The following HPSE2 variants were observed in gnomAD, a reference collection of about 807,000 sequenced individuals.
The protein encoded by HPSE2 is inactive heparanase-2.
HPSE2 carries 38 observed loss-of-function variants against 60.5 expected under a neutral mutation model. That is an observed-to-expected ratio of 0.63 (90% CI 0.48 to 0.82). The LOEUF is 0.82. Among genes scored for constraint, HPSE2 ranks in the 40% least tolerant of loss-of-function variants. The probability of loss-of-function intolerance (pLI) is 0.00; values close to 1 mark genes in which losing one functional copy is unlikely to be tolerated. For synonymous variants in HPSE2, 295 were observed against 293.2 expected (o/e 1.01, Z -0.06); for missense variants, 713 against 740.4 (o/e 0.96, Z 0.43).
intron 3 of HPSE2, among the ~76,000 whole-genome samples, chr10:98,764,499 T>TTGGATTTTTAA (rs1190096302): frequency 6.6e-6 from 1 of 152,186 alleles, no homozygotes; most frequent in Non-Finnish European, 1.5e-5. Context: ...TTTTTAAAAA[T>TTGGATTTTTAA]AAATCCAATT....
At chr10:98,581,250 T>C (rs77106285) in intron 9 of HPSE2, among the ~76,000 whole-genome samples, 1 of 152,114 alleles carries the variant, frequency 6.6e-6, no homozygotes, top group Non-Finnish European at 1.5e-5. Flanking sequence ...ATTTTCAACA[T>C]TTAAAAACAA....
chr10:99,032,330 A>G (rs1040939792), intron 3 of HPSE2, among the ~76,000 whole-genome samples: 2 of 152,152 alleles, frequency 1.3e-5, no homozygotes, highest in Non-Finnish European at 2.9e-5. Flanking sequence ...AAATCGTCAA[A>G]TAAGAAACTA....
chr10:99,080,209 T>G (rs1319589413), intron 3 of HPSE2, among the ~76,000 whole-genome samples: 2 of 152,128 alleles, frequency 1.3e-5, no homozygotes, highest in African/African-American at 4.8e-5. Context: ...AATGTCTTAT[T>G]TAAAAAAATT....
intron 9 of HPSE2, among the ~76,000 whole-genome samples, chr10:98,559,564 C>T (rs747551726): frequency 6.6e-6 from 1 of 152,188 alleles, no homozygotes; most frequent in Non-Finnish European, 1.5e-5. Context: ...TCACTCTCCC[C>T]TTATCTGCTT....
rs138427631 is a variant in HPSE2, at chr10:98,830,673, A to G, written c.611-86617T>C. The stretch of plus-strand genomic sequence containing the variant: ...TTATGAAAATTTTAGCTTTGCTTTA[A>G]CCAAGAAATTTAAAGAGTAAACAGC... On this transcript the variant is annotated intron_variant, in intron 3 of 11. Transcript: ENST00000370552. Among the ~76,000 whole-genome samples the G allele has an allele frequency of 2.7e-3, 411 of 152,356 alleles. 1 individual carries two copies. The highest frequency in any genetic ancestry group is 9.3e-3 in the African/African-American group (387 of 41,582).
At chr10:98,979,985 A>C (rs1956169736) in intron 3 of HPSE2, among the ~76,000 whole-genome samples, 1 of 152,208 alleles carries the variant, frequency 6.6e-6, no homozygotes, top group Non-Finnish European at 1.5e-5. Flanking sequence ...AGTTGAAATG[A>C]AACTAACACA....
At chr10:99,101,331 T>C (rs11528139) in intron 3 of HPSE2, among the ~76,000 whole-genome samples, 12,820 of 151,920 alleles carry the variant, frequency 0.084, 650 homozygotes, top group South Asian at 0.19. Flanking sequence ...AAGGCAGGGG[T>C]TGCAATCCTA....
At chr10:98,955,398 C>A (rs1564688603) in intron 3 of HPSE2, among the ~76,000 whole-genome samples, 1 of 152,072 alleles carries the variant, frequency 6.6e-6, no homozygotes, top group Non-Finnish European at 1.5e-5. Context: ...CAAATCAAAA[C>A]CACAATGAGA....
At chr10:98,580,807 T>A in intron 9 of HPSE2, among the ~76,000 whole-genome samples, 1 of 146,346 alleles carries the variant, frequency 6.8e-6, no homozygotes, top group African/African-American at 2.5e-5. Context: ...ATCTGTTTAG[T>A]CAAGTTGTGC....
chr10:99,226,358 A>G (rs548696851), intron 2 of HPSE2, among the ~76,000 whole-genome samples: 1 of 152,134 alleles, frequency 6.6e-6, no homozygotes, highest in African/African-American at 2.4e-5. Context: ...GTCAGTGTTA[A>G]TGTTGTCTCA....
intron 9 of HPSE2, among the ~76,000 whole-genome samples, chr10:98,533,932 T>A (rs1048584028): frequency 3.3e-5 from 5 of 152,244 alleles, no homozygotes; most frequent in Non-Finnish European, 7.3e-5. Flanking sequence ...CACTCAGTCC[T>A]CAGAGAGCAA....
At chr10:98,948,375 G>A (rs1172133630) in intron 3 of HPSE2, among the ~76,000 whole-genome samples, 1 of 152,066 alleles carries the variant, frequency 6.6e-6, no homozygotes, top group Non-Finnish European at 1.5e-5. Context: ...CCACACAAGA[G>A]GAATTAACAG....
chr10:98,735,191 C>A (rs73323799), intron 4 of HPSE2, among the ~76,000 whole-genome samples: 4,367 of 59,912 alleles, frequency 0.073, 2 homozygotes, highest in East Asian at 0.27. Context: ...AAATTGGTAC[C>A]GGGTAGTGGG....
the HPSE2 span, among the ~76,000 whole-genome samples, chr10:99,245,346 A>C: frequency 6.6e-6 from 1 of 152,216 alleles, no homozygotes; most frequent in Non-Finnish European, 1.5e-5. Context: ...TTAGATGACA[A>C]AGGATACCAC....
chr10:99,259,398 G>C, the HPSE2 span, among the ~76,000 whole-genome samples: 3 of 149,362 alleles, frequency 2.0e-5, no homozygotes, highest in Non-Finnish European at 4.4e-5. Flanking sequence ...TACCATAAAA[G>C]ACTTGTATAC....
intron 2 of HPSE2, among the ~76,000 whole-genome samples, chr10:99,183,238 G>A (rs142203990): frequency 1.3e-5 from 2 of 152,238 alleles, no homozygotes; most frequent in East Asian, 3.9e-4. Flanking sequence ...ACAGAGTATA[G>A]GAGACGGATT....
intron 5 of HPSE2, among the ~76,000 whole-genome samples, chr10:98,702,108 G>A (rs972865857): frequency 1.3e-5 from 2 of 152,120 alleles, no homozygotes; most frequent in Non-Finnish European, 2.9e-5. Flanking sequence ...AAGGGATGGA[G>A]GAATATTTAC....
chr10:99,220,646 T>C (rs1250818914), intron 2 of HPSE2, among the ~76,000 whole-genome samples: 1 of 151,654 alleles, frequency 6.6e-6, no homozygotes, highest in East Asian at 2.0e-4. Context: ...CCACTAAAAA[T>C]ACAAAAATTA....
At chr10:98,859,220 C>T (rs1952393480) in intron 3 of HPSE2, among the ~76,000 whole-genome samples, 1 of 152,184 alleles carries the variant, frequency 6.6e-6, no homozygotes, top group Admixed American at 6.5e-5. Context: ...CACATCACAG[C>T]AAAGTTGAGT....
Sources: allele counts gnomAD v4.1 joint callset (sites outside exome capture counted in the v4.1 genomes callset), GRCh38; gene constraint gnomAD v4.1.1; transcripts MANE v1.5; gene names NCBI Gene and HGNC (gene_info 2026-07-23, HGNC 2026-07-21).